Variants in PPP6R2 observed in about 807,000 individuals in gnomAD.
The protein encoded by PPP6R2 is serine/threonine-protein phosphatase 6 regulatory subunit 2.
A neutral mutation model predicts 100.2 loss-of-function variants in PPP6R2; 62 were observed. The observed-to-expected ratio is 0.62, with a 90% CI of 0.50 to 0.76. PPP6R2 has a LOEUF of 0.76. Ranked by LOEUF, PPP6R2 falls within the 30% of genes least tolerant of loss-of-function variation. The pLI, the probability that PPP6R2 is intolerant of heterozygous loss-of-function variation, is 0.00. For synonymous variants in PPP6R2, 525 were observed against 514.7 expected (o/e 1.02, Z -0.27); for missense variants, 1,142 against 1,276.3 (o/e 0.89, Z 1.60).
chr22:50,371,242 G>A (rs2148511339), intron 1 of PPP6R2, among the ~76,000 whole-genome samples: 1 of 152,210 alleles, frequency 6.6e-6, no homozygotes, highest in Admixed American at 6.5e-5. Context: ...TGTAATTCCT[G>A]CTACTCAGCA....
Position 50,431,323 on chromosome 22 carries a change from C to A in PPP6R2, c.1276C>A (p.Arg426=). The A allele has an allele frequency of 6.2e-7, 1 of 1,613,162 alleles. No homozygotes were observed. Among genetic ancestry groups the A allele is most frequent in the Non-Finnish European group, 8.5e-7 (1 of 1,180,014 alleles). Residue 426 remains arginine (R), a synonymous_variant, in exon 11 of 24, where the codon CGG becomes AGG. Coordinates refer to ENST00000612753, the MANE Select transcript of PPP6R2 (RefSeq NM_001242898.2). This position sits in a 1 kb window ranked among gnomAD's most constrained non-coding sequence, Gnocchi z 4.8. The part of the protein sequence containing the change: ...RVEPPHENGN[R]SLETPQPAAS... Reference sequence around the variant, plus strand: ...GGAGCCTCCGCATGAGAACGGGAACCGGAGCCTGGAGACTCCCCAGCCGGC... The same window carrying A: ...GGAGCCTCCGCATGAGAACGGGAACAGGAGCCTGGAGACTCCCCAGCCGGC...
chr22:50,400,144 C>A, intron 3 of PPP6R2, among the ~76,000 whole-genome samples: 1 of 152,228 alleles, frequency 6.6e-6, no homozygotes. Flanking sequence ...GCACCCCCTG[C>A]CGCAGAGAGA....
At chr22:50,388,314 A>G (rs2054674558) in intron 2 of PPP6R2, among the ~76,000 whole-genome samples, 1 of 151,384 alleles carries the variant, frequency 6.6e-6, no homozygotes, top group South Asian at 2.1e-4. Flanking sequence ...GGATCACTTA[A>G]GCCTGGGAGG....
chr22:50,339,523 ATG>A (rs1446995759), upstream of PPP6R2, among the ~76,000 whole-genome samples: 1 of 35,666 alleles, frequency 2.8e-5, no homozygotes, highest in African/African-American at 1.1e-4. Flanking sequence ...TGTGTGTGGT[ATG>A]TGGTGTGTGG....
chr22:50,426,200 G>A (rs1169087646), intron 10 of PPP6R2, among the ~76,000 whole-genome samples: 1 of 152,134 alleles, frequency 6.6e-6, no homozygotes, highest in Non-Finnish European at 1.5e-5. Flanking sequence ...TGATGCTCCG[G>A]CCGTGGCCTC....
intron 1 of PPP6R2, among the ~76,000 whole-genome samples, chr22:50,361,520 G>A (rs73439360): frequency 0.025 from 3,855 of 152,136 alleles, 153 homozygotes; most frequent in African/African-American, 0.089. Flanking sequence ...TCTTCTGTGC[G>A]TCTTGTTTGG....
intron 4 of PPP6R2, among the ~76,000 whole-genome samples, chr22:50,409,168 C>T (rs1296540006): frequency 6.6e-6 from 1 of 152,140 alleles, no homozygotes; most frequent in Non-Finnish European, 1.5e-5. Context: ...ATGCCTTGAG[C>T]CTTCCTCCTG....
chr22:50,370,122 C>T (rs1167228547), intron 1 of PPP6R2, among the ~76,000 whole-genome samples: 2 of 150,768 alleles, frequency 1.3e-5, no homozygotes, highest in Non-Finnish European at 2.9e-5. Flanking sequence ...GTACCCATCA[C>T]CTAACTTCGA....
In PPP6R2 at chr22:50,437,023, C is replaced by G; in HGVS notation, c.1638C>G (p.Asp546Glu). Reference protein sequence around the residue: ...STHHLHSSSEDEDIEGAFPNE... With the variant: ...STHHLHSSSEEEDIEGAFPNE... Reference sequence around the variant, plus strand: ...ACCACCTTCACTCCTCAAGTGAGGACGAGGACATTGAGGGTGCTTTCCCTA... The same window carrying G: ...ACCACCTTCACTCCTCAAGTGAGGAGGAGGACATTGAGGGTGCTTTCCCTA... The change falls in exon 15 of 24, where the codon GAC (aspartate) becomes GAG (glutamate). Residue 546 changes from aspartate to glutamate, a missense_variant. This residue lies in a region of PPP6R2 where 592 missense variants were observed against 758.9 expected (regional missense o/e 0.78). Transcript: ENST00000612753. 6.4e-7 allele frequency: 1 copy of G among 1,563,100 alleles called. No individual in the cohort carries two copies. The highest frequency in any genetic ancestry group is 8.7e-7 in the Non-Finnish European group (1 of 1,153,876).
chr22:50,339,076 A>G (rs867985147), upstream of PPP6R2, among the ~76,000 whole-genome samples: 35 of 86,302 alleles, frequency 4.1e-4, no homozygotes, highest in East Asian at 4.3e-4. Context: ...TGTATGTGGT[A>G]TGTGGTGTGT....
chr22:50,440,760 G>A (rs1367600277), intron 21 of PPP6R2, 62 bp from the exon 22 acceptor site: 3 of 1,572,694 alleles, frequency 1.9e-6, no homozygotes, highest in East Asian at 4.5e-5. Context: ...CCTATGGCTG[G>A]AGTGGCCGCA....
At chr22:50,442,865 T>G (rs1166557781) in intron 22 of PPP6R2, among the ~76,000 whole-genome samples, 1 of 149,128 alleles carries the variant, frequency 6.7e-6, no homozygotes, top group Non-Finnish European at 1.5e-5. Context: ...TCACTGAAAT[T>G]CTTAACAGTC....
intron 1 of PPP6R2, among the ~76,000 whole-genome samples, chr22:50,371,648 C>CT (rs11370458): frequency 0.31 from 47,567 of 151,358 alleles, 7,756 homozygotes; most frequent in South Asian, 0.45. Flanking sequence ...TTTGTAATTG[C>CT]TTTTTTTTGA....
rs192411869 is a variant in PPP6R2, at chr22:50,379,273, A to T, written c.-17+7123A>T. Among the ~76,000 whole-genome samples, 314 of 152,242 alleles carry T rather than the reference A, an allele frequency of 2.1e-3. 2 individuals carry two copies. The highest frequency in any genetic ancestry group is 7.3e-3 in the African/African-American group (302 of 41,544). ...CACTTTGAGAGGCTAAGAAGGGTGG[A>T]TTGCTTGAGTCCAGAAGCTTGAGAC... is the stretch of plus-strand genomic sequence containing the variant. On this transcript the variant is annotated intron_variant, in intron 2 of 23. Transcript: ENST00000612753.
chr22:50,335,218 AT>A, the PPP6R2 span, among the ~76,000 whole-genome samples: 41,715 of 101,478 alleles, frequency 0.41, 8,992 homozygotes, highest in East Asian at 0.61. Flanking sequence ...CACCCGGCTA[AT>A]TTTTTTTTTT....
chr22:50,364,332 A>G (rs975171018), intron 1 of PPP6R2, among the ~76,000 whole-genome samples: 2 of 152,192 alleles, frequency 1.3e-5, no homozygotes, highest in South Asian at 2.1e-4. Context: ...TTTTAGGTAT[A>G]TAAGTCATAA....
At chr22:50,437,965 G>T (rs2064747303) in intron 17 of PPP6R2, 65 bp downstream of exon 17, 3 of 1,560,806 alleles carry the variant, frequency 1.9e-6, no homozygotes, top group African/African-American at 1.4e-5. Context: ...CCATGCCCAT[G>T]GCTCGGTCTG....
At chr22:50,370,478 G>GCA (rs1569312978) in intron 1 of PPP6R2, among the ~76,000 whole-genome samples, 17 of 151,378 alleles carry the variant, frequency 1.1e-4, no homozygotes, top group African/African-American at 3.6e-4. Context: ...TAGTAGAGAT[G>GCA]GGGTTTCACT....
chr22:50,370,432 C>G (rs996382742), intron 1 of PPP6R2, among the ~76,000 whole-genome samples: 1 of 151,458 alleles, frequency 6.6e-6, no homozygotes, highest in Non-Finnish European at 1.5e-5. Flanking sequence ...GGATTACAGG[C>G]GCCTGCCACC....
Sources: allele counts gnomAD v4.1 joint callset (sites outside exome capture counted in the v4.1 genomes callset), GRCh38; gene constraint gnomAD v4.1.1; regional missense constraint gnomAD v4.1.1; non-coding constraint Gnocchi (gnomAD v3.1); transcripts MANE v1.5; gene names NCBI Gene and HGNC (gene_info 2026-07-23, HGNC 2026-07-21).